JCAD: variants seen among roughly 807,000 people sequenced by gnomAD.
The protein encoded by JCAD is junctional cadherin 5-associated protein.
In JCAD, 40 loss-of-function variants were observed where a neutral mutation model predicts 98.0. That is an observed-to-expected ratio of 0.41 (90% confidence interval 0.32 to 0.53). The LOEUF is 0.53. Among genes scored for constraint, JCAD ranks in the 20% least tolerant of loss-of-function variants. The pLI is 0.31. For missense variants in JCAD, 1,705 were observed against 1,738.1 expected (o/e 0.98, Z 0.34); for synonymous variants, 691 against 682.3 (o/e 1.01, Z -0.20).
chr10:30,032,107 AAC>A (rs111657650), intron 2 of JCAD, among the ~76,000 whole-genome samples: 3,698 of 152,292 alleles, frequency 0.024, 144 homozygotes, highest in African/African-American at 0.085. Context: ...AATTTTGGGA[AAC>A]ACTGCTAGGG....
intron 1 of JCAD, among the ~76,000 whole-genome samples, chr10:30,092,360 C>G (rs1397876856): frequency 2.0e-5 from 3 of 151,664 alleles, no homozygotes; most frequent in African/African-American, 4.8e-5. Context: ...TGGTGTGTAA[C>G]TCCAGCTCCT....
intron 1 of JCAD, among the ~76,000 whole-genome samples, chr10:30,071,217 T>A (rs1215837491): frequency 1.3e-5 from 2 of 152,198 alleles, no homozygotes; most frequent in Admixed American, 6.5e-5. Context: ...AAAGTATTAA[T>A]AAAAATGTAG....
At chr10:30,113,577 A>AAAT (rs1838743475) in intron 1 of JCAD, among the ~76,000 whole-genome samples, 1 of 148,600 alleles carries the variant, frequency 6.7e-6, no homozygotes, top group Admixed American at 6.7e-5. Flanking sequence ...AAAAAAAAAA[A>AAAT]GCCTCCCAGC....
Position 30,027,806 on chromosome 10 carries a change from C to G in JCAD, c.2342G>C (p.Arg781Pro). The change falls in exon 3 of 4, where the codon CGA becomes CCA. Residue 781 changes from arginine (R) to proline (P), a missense_variant. By Grantham distance (103) the Arg-to-Pro change is moderately radical. Around this residue, in one of 3 missense-constraint regions of JCAD, gnomAD observed 1,278 missense variants for 1,243.1 expected, o/e 1.03. Coordinates refer to ENST00000375377, the MANE Select transcript of JCAD (RefSeq NM_020848.4). Reference protein sequence around the residue: ...VDQAPTPKAGRSQPCVDVHGL... With the variant: ...VDQAPTPKAGPSQPCVDVHGL... ...GTGGACATCCACGCAGGGCTGACTT[C>G]GGCCTGCTTTTGGCGTCGGTGCCTG... The G allele has an allele frequency of 2.0e-5, 33 of 1,614,266 alleles. No homozygotes were observed. Among genetic ancestry groups the G allele is most frequent in the Non-Finnish European group, 2.8e-5 (33 of 1,180,044 alleles).
intron 2 of JCAD, among the ~76,000 whole-genome samples, chr10:30,042,718 C>T (rs1837266247): frequency 6.6e-6 from 1 of 152,096 alleles, no homozygotes. Context: ...CTAATGAGGC[C>T]AGCCAGTTTT....
intron 1 of JCAD, among the ~76,000 whole-genome samples, chr10:30,058,917 G>A (rs916908884): frequency 2.0e-5 from 3 of 152,298 alleles, no homozygotes; most frequent in East Asian, 1.9e-4. Context: ...AGACCGGAGC[G>A]GGAGCGGGGC....
rs751601765 is a variant in JCAD, at chr10:30,029,438, G to T, written c.710C>A (p.Ser237Tyr). 1.2e-6 allele frequency: 2 copies of T among 1,614,172 alleles called. No homozygotes were observed. Among genetic ancestry groups the T allele is most frequent in the African/African-American group, 1.3e-5 (1 of 75,046 alleles). ...GKSRSLPRVL[S>Y]PESLSCTEIP... ...TTCCGTGCAACTCAGGCTCTCGGGG[G>T]AAAGAACTCTAGGCAGTGAGCGAGA... Residue 237 changes from serine to tyrosine, a missense_variant, in exon 3 of 4, where the codon TCC becomes TAC. Transcript: ENST00000375377.
chr10:30,040,220 C>T (rs1286212741), intron 2 of JCAD, among the ~76,000 whole-genome samples: 1 of 152,172 alleles, frequency 6.6e-6, no homozygotes, highest in Non-Finnish European at 1.5e-5. Flanking sequence ...AGACGCTGCT[C>T]CTCCTGGGGA....
At position 30,027,365 on chromosome 10, in the gene JCAD, C is replaced by T. The variant is rs1564442463; in HGVS notation, c.2783G>A (p.Trp928Ter). 4 of 1,610,268 alleles carry T rather than the reference C, an allele frequency of 2.5e-6. No homozygotes were observed. The highest frequency in any genetic ancestry group is 8.5e-7 in the Non-Finnish European group (1 of 1,180,022). Residue 928 changes from tryptophan (W) to a stop codon, truncating the protein, a stop_gained, in exon 3 of 4, where the codon TGG (tryptophan) becomes TAG (stop). Coordinates refer to ENST00000375377, the MANE Select transcript of JCAD (RefSeq NM_020848.4). LOFTEE classifies it high-confidence loss of function. ...GCGAAAGCGGCCCGGGGATGGAGGC[C>T]AGGCACGTGGGTGGCCAGGCTGCAG... Reference protein sequence around the residue: ...EELQPGHPRAWPPSPGRFRVE... With the variant: ...EELQPGHPRA
At chr10:30,037,972 A>C (rs1300267571) in intron 2 of JCAD, among the ~76,000 whole-genome samples, 1 of 149,596 alleles carries the variant, frequency 6.7e-6, no homozygotes, top group Non-Finnish European at 1.5e-5. Context: ...AGCCATTGCC[A>C]CTACAGTGCC....
rs921540066 is a variant in JCAD, at chr10:30,047,407, G to A, written c.281+125C>T. 4 of 1,154,082 alleles carry A rather than the reference G, an allele frequency of 3.5e-6. No individual in the cohort carries two copies. In the African/African-American group the frequency reaches 4.7e-5, roughly 13 times the overall value. 71.5% of individuals were successfully genotyped at this position (1,154,082 alleles called of 1,614,324 possible). On this transcript the variant is annotated intron_variant, in intron 2 of 3. Transcript: ENST00000375377. The stretch of plus-strand genomic sequence containing the variant: ...AACAAAAAGCAAAAAAAGTGTTCTT[G>A]TGTCTAATACCATTTCTCCCTCCTT...
At chr10:30,048,732 A>AT (rs1442926800) in intron 1 of JCAD, among the ~76,000 whole-genome samples, 1 of 151,738 alleles carries the variant, frequency 6.6e-6, no homozygotes, top group Non-Finnish European at 1.5e-5. Context: ...CGCCTGGCTA[A>AT]TTTTTTGTAT....
chr10:30,022,344 G>A (rs561125870), intron 3 of JCAD, among the ~76,000 whole-genome samples: 51 of 152,270 alleles, frequency 3.3e-4, no homozygotes, highest in Non-Finnish European at 6.8e-4. Flanking sequence ...TACAAATTTA[G>A]GAGCAATGAA....
intron 2 of JCAD, among the ~76,000 whole-genome samples, chr10:30,044,422 G>C (rs143116115): frequency 6.6e-6 from 1 of 152,106 alleles, no homozygotes; most frequent in South Asian, 2.1e-4. Flanking sequence ...ACACTTTAAG[G>C]CAGCCCTCAA....
intron 2 of JCAD, among the ~76,000 whole-genome samples, chr10:30,045,806 T>C (rs1207231093): frequency 6.6e-6 from 1 of 152,204 alleles, no homozygotes; most frequent in Non-Finnish European, 1.5e-5. Flanking sequence ...TGCTAACTCC[T>C]CTTGCTCCTC....
chr10:30,112,156 G>T (rs1314666420), intron 1 of JCAD, among the ~76,000 whole-genome samples: 1 of 152,132 alleles, frequency 6.6e-6, no homozygotes, highest in Non-Finnish European at 1.5e-5. Flanking sequence ...ACCGATGCAG[G>T]CTACCTCATG....
At chr10:30,035,799 C>T (rs12777578) in intron 2 of JCAD, among the ~76,000 whole-genome samples, 5,914 of 152,272 alleles carry the variant, frequency 0.039, 144 homozygotes, top group South Asian at 0.052. Context: ...GGAATGTGAT[C>T]GCCCAGACAA....
intron 2 of JCAD, among the ~76,000 whole-genome samples, chr10:30,066,636 G>A (rs1837789218): frequency 6.6e-6 from 1 of 152,146 alleles, no homozygotes; most frequent in South Asian, 2.1e-4. Flanking sequence ...CCAGACGTGG[G>A]CACCCCTTGG....
At chr10:30,114,836 T>TAGATAGATAGAC (rs1486747182) in intron 1 of JCAD, among the ~76,000 whole-genome samples, 1 of 151,624 alleles carries the variant, frequency 6.6e-6, no homozygotes, top group Non-Finnish European at 1.5e-5. Flanking sequence ...AATAGATAGA[T>TAGATAGATAGAC]AGATAGATAG....
Sources: allele counts gnomAD v4.1 joint callset (sites outside exome capture counted in the v4.1 genomes callset), GRCh38; gene constraint gnomAD v4.1.1; regional missense constraint gnomAD v4.1.1; transcripts MANE v1.5; gene names NCBI Gene and HGNC (gene_info 2026-07-23, HGNC 2026-07-21).